The following GATB variants were observed in gnomAD, a reference collection of about 807,000 sequenced individuals.
GATB encodes the protein glutamyl-tRNA(Gln) amidotransferase subunit B, mitochondrial.
A neutral mutation model predicts 62.3 loss-of-function variants in GATB; 39 were observed. The ratio of observed to expected loss-of-function variants is 0.63; its 90% confidence interval spans 0.48 to 0.82. GATB has a LOEUF of 0.82. GATB is among the 40% of genes least tolerant of loss of function. The pLI is 0.00. For missense variants in GATB, 670 were observed against 684.0 expected (o/e 0.98, Z 0.23); for synonymous variants, 276 against 258.9 (o/e 1.07, Z -0.63).
chr4:151,757,265 T>A (rs190625195), intron 2 of GATB, among the ~76,000 whole-genome samples: 9 of 152,202 alleles, frequency 5.9e-5, no homozygotes, highest in African/African-American at 1.7e-4. Context: ...TGATCCTTGA[T>A]ATGGTCTGCA....
intron 9 of GATB, among the ~76,000 whole-genome samples, chr4:151,693,502 A>G (rs1199928501): frequency 6.6e-6 from 1 of 150,870 alleles, no homozygotes. Context: ...AGGAAACACG[A>G]CCCCCCCCTC....
Position 151,730,664 on chromosome 4 carries a change from A to C in GATB, c.328-11126T>G, listed in dbSNP as rs1405935307. ...GACTCACTGGGTGGCTAGACCCAGA[A>C]GACAGACAACAGTCACTACAGTTCA... On this transcript the variant is annotated intron_variant, in intron 2 of 12. Transcript: ENST00000263985. The surrounding 1 kb of genome is among the most constrained non-coding windows in gnomAD (Gnocchi z 4.1). 6.6e-6 allele frequency among the ~76,000 whole-genome samples: 1 copy of C among 152,252 alleles called. No individual in the cohort carries two copies. Among genetic ancestry groups the C allele is most frequent in the African/African-American group, 2.4e-5 (1 of 41,462 alleles).
chr4:151,759,886 C>T (rs1239683900), intron 1 of GATB, among the ~76,000 whole-genome samples: 4 of 151,908 alleles, frequency 2.6e-5, no homozygotes, highest in Non-Finnish European at 5.9e-5. Context: ...AGAATAAGTC[C>T]TTCTTTTTAA....
intron 10 of GATB, among the ~76,000 whole-genome samples, chr4:151,686,396 A>C (rs12641433): frequency 0.41 from 62,919 of 151,732 alleles, 13,474 homozygotes; most frequent in South Asian, 0.57. Flanking sequence ...TCTAGAGTTA[A>C]CTTATTTGGG....
chr4:151,728,319 T>C (rs564383627), intron 2 of GATB, among the ~76,000 whole-genome samples: 1 of 152,334 alleles, frequency 6.6e-6, no homozygotes, highest in Non-Finnish European at 1.5e-5. Flanking sequence ...TCTAAGCTAG[T>C]AGCTACTTTT....
At chr4:151,719,118 A>G (rs996636733) in intron 3 of GATB, among the ~76,000 whole-genome samples, 1 of 152,260 alleles carries the variant, frequency 6.6e-6, no homozygotes, top group Non-Finnish European at 1.5e-5. Context: ...CTAACAGGCA[A>G]TTAGCACCAA....
chr4:151,722,303 T>A lies in GATB; in HGVS notation c.328-2765A>T, dbSNP rs549544343. ...GGACTCTGTCTCTGCCCTCAATGAATCCGCAGTGGTGACATGAACCTGCCA... is the reference window on the plus strand; with the variant it reads ...GGACTCTGTCTCTGCCCTCAATGAAACCGCAGTGGTGACATGAACCTGCCA... On this transcript the variant is annotated intron_variant, in intron 2 of 12. Coordinates refer to ENST00000263985, the MANE Select transcript of GATB (RefSeq NM_004564.3). The A allele has an allele frequency of 1.0e-5, 7 of 683,358 alleles. No homozygotes were observed. In the African/African-American group the frequency reaches 1.2e-4, roughly 12 times the overall value. 42.3% of individuals were successfully genotyped at this position (683,358 alleles called of 1,614,324 possible). A position where few individuals can be genotyped will look rare whatever the true frequency, so the allele number is the denominator to read the frequency against.
intron 2 of GATB, among the ~76,000 whole-genome samples, chr4:151,741,847 A>T (rs1236778504): frequency 6.6e-6 from 1 of 152,236 alleles, no homozygotes; most frequent in Non-Finnish European, 1.5e-5. Flanking sequence ...AGGTTAAGGG[A>T]ATCATTTTAT....
chr4:151,674,263 G>C (rs1414964984), intron 11 of GATB: 1 of 152,250 alleles, frequency 6.6e-6, no homozygotes, highest in East Asian at 1.9e-4. Context: ...TGGGAGAAAG[G>C]GGGCACAGAA....
chr4:151,738,216 A>C (rs1040065786), intron 2 of GATB, among the ~76,000 whole-genome samples: 3 of 152,198 alleles, frequency 2.0e-5, no homozygotes, highest in African/African-American at 7.2e-5. Context: ...AGACCATGGG[A>C]ACCCATCTTT....
At chr4:151,693,832 T>G (rs183189587) in intron 9 of GATB, among the ~76,000 whole-genome samples, 1 of 152,308 alleles carries the variant, frequency 6.6e-6, no homozygotes, top group East Asian at 1.9e-4. Context: ...TTAGGGGATA[T>G]TCAAACTAAT....
In GATB at chr4:151,742,212, C is replaced by T. The variant is rs369195487; in HGVS notation, c.327+16560G>A. On this transcript the variant is annotated intron_variant, in intron 2 of 12. Transcript: ENST00000263985. ...CATGCCATTCTTCTGCCTCAGCCTC[C>T]TGAGTAGCTGGGACTACAGGCGCCC... Among the ~76,000 whole-genome samples, 4 of 152,100 alleles carry T rather than the reference C, an allele frequency of 2.6e-5. No individual in the cohort carries two copies. The East Asian group carries it at 7.7e-4, about 29-fold the overall frequency.
intron 10 of GATB, among the ~76,000 whole-genome samples, chr4:151,686,652 G>GCCCCCCCCCCC (rs374250502): frequency 2.8e-5 from 2 of 70,922 alleles, no homozygotes; most frequent in Non-Finnish European, 5.4e-5. Flanking sequence ...TCCCCGCCCC[G>GCCCCCCCCCCC]CCCCCCCCCC....
intron 6 of GATB, among the ~76,000 whole-genome samples, chr4:151,705,699 G>T (rs954307226): frequency 2.0e-5 from 3 of 152,156 alleles, no homozygotes; most frequent in African/African-American, 7.2e-5. Flanking sequence ...TTTGGAGAGA[G>T]GGTCCAGCAT....
At position 151,750,770 on chromosome 4, in the gene GATB, G is replaced by A. The variant is rs185607537; in HGVS notation, c.327+8002C>T. Among the ~76,000 whole-genome samples, 486 of 150,492 alleles carry A rather than the reference G, an allele frequency of 3.2e-3. 1 individual carries two copies. Among genetic ancestry groups the A allele is most frequent in the Non-Finnish European group, 4.9e-3 (331 of 67,782 alleles). ...TCAACCCCACAAGCAGCGGACTACAGGCATACACCACCATGCCCGACTTAT... is the reference window on the plus strand; with the variant it reads ...TCAACCCCACAAGCAGCGGACTACAAGCATACACCACCATGCCCGACTTAT... On this transcript the variant is annotated intron_variant, in intron 2 of 12. Coordinates refer to ENST00000263985, the MANE Select transcript of GATB (RefSeq NM_004564.3).
intron 5 of GATB, among the ~76,000 whole-genome samples, chr4:151,710,042 G>T (rs937051700): frequency 3.3e-5 from 5 of 152,116 alleles, no homozygotes; most frequent in Non-Finnish European, 4.4e-5. Flanking sequence ...ACTCACTTGA[G>T]TGTTACCGCC....
intron 2 of GATB, among the ~76,000 whole-genome samples, chr4:151,740,286 G>A (rs929540080): frequency 2.0e-5 from 3 of 152,170 alleles, no homozygotes; most frequent in African/African-American, 7.2e-5. Flanking sequence ...GCCTTGTTAG[G>A]AGACTTTGCT....
intron 2 of GATB, among the ~76,000 whole-genome samples, chr4:151,755,922 T>C (rs1489039520): frequency 6.6e-6 from 1 of 152,190 alleles, no homozygotes; most frequent in Non-Finnish European, 1.5e-5. Context: ...AAATATATAG[T>C]AGGACACAAT....
intron 9 of GATB, among the ~76,000 whole-genome samples, chr4:151,697,188 T>C: frequency 6.6e-6 from 1 of 152,250 alleles, no homozygotes. Flanking sequence ...AGCGAATGTT[T>C]ATCACAGCAC....
Sources: allele counts gnomAD v4.1 joint callset (sites outside exome capture counted in the v4.1 genomes callset), GRCh38; gene constraint gnomAD v4.1.1; non-coding constraint Gnocchi (gnomAD v3.1); transcripts MANE v1.5; gene names NCBI Gene and HGNC (gene_info 2026-07-23, HGNC 2026-07-21).